Variants in DDX46 observed in about 807,000 individuals in gnomAD.
The protein encoded by DDX46 is DEAD-box helicase 46, also known as probable ATP-dependent RNA helicase DDX46.
Under a neutral mutation model 134.9 loss-of-function variants are expected in DDX46, and 30 were observed. The observed-to-expected ratio is 0.22, with a 90% CI of 0.17 to 0.30. The LOEUF is 0.30. Ranked by LOEUF, DDX46 falls within the 10% of genes least tolerant of loss-of-function variation. DDX46 has a pLI of 1.00. For missense variants in DDX46, 622 were observed against 1,248.7 expected (o/e 0.50, Z 7.56); for synonymous variants, 415 against 404.1 (o/e 1.03, Z -0.32).
intron 12 of DDX46, 91 bp downstream of exon 12, chr5:134,788,682 C>G: frequency 8.6e-7 from 1 of 1,167,424 alleles, no homozygotes; most frequent in Non-Finnish European, 1.3e-6. Flanking sequence ...CAAAGGGTTT[C>G]TATATTTCTT....
chr5:134,782,125 C>G (rs758575373), intron 8 of DDX46, 39 bp downstream of exon 8: 1 of 1,531,152 alleles, frequency 6.5e-7, no homozygotes, highest in Admixed American at 2.2e-5. Context: ...TATAAGGGAA[C>G]AGAAGAGGAT....
At chr5:134,798,795 T>G (rs979278317) in intron 15 of DDX46, among the ~76,000 whole-genome samples, 13 of 152,226 alleles carry the variant, frequency 8.5e-5, no homozygotes, top group African/African-American at 3.1e-4. Flanking sequence ...TCATCTGTGT[T>G]GTAGCATTTG....
chr5:134,808,035 C>A, intron 16 of DDX46, 94 bp downstream of exon 16: 1 of 1,177,602 alleles, frequency 8.5e-7, no homozygotes, highest in African/African-American at 1.5e-5. Flanking sequence ...GTTATGGAGA[C>A]ATTTTGAAAA....
At chr5:134,807,976 T>C (rs373283172) in intron 16 of DDX46, 35 bp downstream of exon 16, 2 of 1,550,704 alleles carry the variant, frequency 1.3e-6, no homozygotes, top group Middle Eastern at 1.9e-4. Flanking sequence ...ATCTTCATTA[T>C]ATTAAAATAC....
At chr5:134,810,316 T>G (rs911236604) in intron 16 of DDX46, among the ~76,000 whole-genome samples, 8 of 150,926 alleles carry the variant, frequency 5.3e-5, no homozygotes, top group African/African-American at 1.9e-4. Context: ...CACACAATTG[T>G]GCATTTGTGT....
In DDX46 at chr5:134,811,806, T is replaced by C. The variant is rs144976398; in HGVS notation, c.2397T>C (p.Leu799=). 6.2e-7 allele frequency: 1 copy of C among 1,613,868 alleles called. No homozygotes were observed. Among genetic ancestry groups the C allele is most frequent in the Non-Finnish European group, 8.5e-7 (1 of 1,179,942 alleles). Residue 799 remains leucine (L), a synonymous_variant, in exon 18 of 23, where the codon CTT becomes CTC. Coordinates refer to ENST00000452510, the MANE Select transcript of DDX46 (RefSeq NM_001300860.2). ...NERKKLQKAA[L]GLQDSDDEDA... ...GGAAGAAGTTACAAAAAGCAGCTCTTGGTCTACAAGATTCAGATGATGAGG... is the reference window on the plus strand; with the variant it reads ...GGAAGAAGTTACAAAAAGCAGCTCTCGGTCTACAAGATTCAGATGATGAGG...
At chr5:134,811,911 A>G (rs1170829987) in intron 18 of DDX46, 66 bp downstream of exon 18, 2 of 1,539,314 alleles carry the variant, frequency 1.3e-6, no homozygotes, top group Non-Finnish European at 1.7e-6. Context: ...AGGTCTTGCC[A>G]TATATGGTTA....
intron 13 of DDX46, among the ~76,000 whole-genome samples, chr5:134,790,896 C>T (rs1224868769): frequency 2.0e-5 from 3 of 152,128 alleles, no homozygotes; most frequent in African/African-American, 7.2e-5. Context: ...ACGATCACTA[C>T]TCACTGCAAC....
rs1361091807 is a variant in DDX46, at chr5:134,830,521, G to A, written c.*1815G>A. The A allele has an allele frequency of 6.6e-6, 1 of 152,072 alleles. No homozygotes were observed. Among genetic ancestry groups the A allele is most frequent in the African/African-American group, 2.4e-5 (1 of 41,412 alleles). The allele number at this position is 152,072 out of a possible 1,614,324, so 9.4% of individuals were successfully genotyped here. A position where few individuals can be genotyped will look rare whatever the true frequency, so the allele number is the denominator to read the frequency against. ...ACAGTTTAAAAATAAATAAATAAAA[G>A]CATACTATAGTTGTAAAAACAAATA... On this transcript the variant is annotated 3_prime_UTR_variant, in exon 23 of 23. Coordinates refer to ENST00000452510, the MANE Select transcript of DDX46 (RefSeq NM_001300860.2).
intron 21 of DDX46, among the ~76,000 whole-genome samples, chr5:134,821,356 T>C (rs1755444115): frequency 6.6e-6 from 1 of 151,316 alleles, no homozygotes. Flanking sequence ...TTTGTATTTT[T>C]AGTAGGGATG....
chr5:134,774,342 G>A (rs1285381675), intron 5 of DDX46, among the ~76,000 whole-genome samples: 1 of 151,746 alleles, frequency 6.6e-6, no homozygotes, highest in African/African-American at 2.4e-5. Context: ...GCCAAGTTTT[G>A]TTTGTTCATT....
At position 134,830,071 on chromosome 5, in the gene DDX46, T is replaced by C. The variant is rs899194439; in HGVS notation, c.*1365T>C. The stretch of plus-strand genomic sequence containing the variant: ...GTATTAACTTCATGTTATTGTCACT[T>C]TTCAAAAAAGGAATTTTTTTCAGGA... On this transcript the variant is annotated 3_prime_UTR_variant, in exon 23 of 23. Coordinates refer to ENST00000452510, the MANE Select transcript of DDX46 (RefSeq NM_001300860.2). 1 of 151,770 alleles carries C rather than the reference T, an allele frequency of 6.6e-6. No homozygotes were observed. The highest frequency in any genetic ancestry group is 1.5e-5 in the Non-Finnish European group (1 of 67,952). 9.4% of individuals were successfully genotyped at this position (151,770 alleles called of 1,614,324 possible).
At chr5:134,806,733 T>C (rs1755000254) in intron 15 of DDX46, among the ~76,000 whole-genome samples, 3 of 152,196 alleles carry the variant, frequency 2.0e-5, no homozygotes, top group South Asian at 4.1e-4. Flanking sequence ...AGATTTTCTG[T>C]GAAATCTTCC....
intron 3 of DDX46, among the ~76,000 whole-genome samples, chr5:134,769,593 G>T (rs398265): frequency 0.068 from 10,077 of 148,996 alleles, 761 homozygotes; most frequent in African/African-American, 0.19. Context: ...CAGGCTGGTG[G>T]GCAATGGTGC....
intron 21 of DDX46, among the ~76,000 whole-genome samples, chr5:134,820,014 C>T (rs1044267804): frequency 6.6e-5 from 10 of 151,762 alleles, no homozygotes; most frequent in South Asian, 2.1e-4. Flanking sequence ...CTCCACCTCC[C>T]GGGTTCAAGC....
At chr5:134,762,619 G>C (rs1404700641) in intron 1 of DDX46, among the ~76,000 whole-genome samples, 3 of 152,090 alleles carry the variant, frequency 2.0e-5, no homozygotes, top group Non-Finnish European at 1.5e-5. Context: ...TGTAATCCCA[G>C]CTGCTTGGGA....
intron 1 of DDX46, 131 bp downstream of exon 1, chr5:134,759,086 T>C (rs1334630779): frequency 1.4e-6 from 2 of 1,402,982 alleles, no homozygotes; most frequent in African/African-American, 2.9e-5. Context: ...CCCGCGAGCA[T>C]TGGAAGGGCT....
chr5:134,790,445 G>C lies in DDX46; in HGVS notation c.1544-25G>C, dbSNP rs774182499. The C allele has an allele frequency of 4.4e-6, 7 of 1,585,490 alleles. No homozygotes were observed. The South Asian group carries it at 8.2e-5, about 19-fold the overall frequency. Reference sequence around the variant, plus strand: ...GTGACTGATTTTTAGTTTTCTTTTTGTCTTTATTTTTCTTTTCATCTTAGG... The same window carrying C: ...GTGACTGATTTTTAGTTTTCTTTTTCTCTTTATTTTTCTTTTCATCTTAGG... On this transcript the variant is annotated intron_variant, in intron 12 of 22. Transcript: ENST00000452510.
At chr5:134,781,360 TGA>T in intron 7 of DDX46, 114 bp downstream of exon 7, 1 of 775,666 alleles carries the variant, frequency 1.3e-6, no homozygotes, top group African/African-American at 1.8e-5. Flanking sequence ...TTCCCAGAAT[TGA>T]GAGACATTCT....
Sources: allele counts gnomAD v4.1 joint callset (sites outside exome capture counted in the v4.1 genomes callset), GRCh38; gene constraint gnomAD v4.1.1; transcripts MANE v1.5; gene names NCBI Gene and HGNC (gene_info 2026-07-23, HGNC 2026-07-21).